The following CACNA1G variants were observed in gnomAD, a reference collection of about 807,000 sequenced individuals.
CACNA1G encodes the protein calcium voltage-gated channel subunit alpha1 G.
In CACNA1G, 67 loss-of-function variants were observed where a neutral mutation model predicts 219.4. That is an observed-to-expected ratio of 0.31 (90% confidence interval 0.25 to 0.37). CACNA1G has a LOEUF of 0.37. Ranked by LOEUF, CACNA1G falls within the 10% of genes least tolerant of loss-of-function variation. The pLI, the probability that CACNA1G is intolerant of heterozygous loss-of-function variation, is 1.00. For missense variants in CACNA1G, 2,380 were observed against 3,231.4 expected (o/e 0.74, Z 6.39); for synonymous variants, 1,296 against 1,345.3 (o/e 0.96, Z 0.80).
Position 50,619,803 on chromosome 17 carries a change from A to C in CACNA1G, c.5902A>C (p.Ser1968Arg), listed in dbSNP as rs751865150. Reference protein sequence around the residue: ...GQPSAFPSAPSLGGSDPQIPL... With the variant: ...GQPSAFPSAPRLGGSDPQIPL... ...GCCCTCTGCCTTCCCTTCTGCCCCC[A>C]GCCTGGGAGGCTCCGACCCACAGGT... The change falls in exon 34 of 38, where the codon AGC becomes CGC. Residue 1968 changes from serine to arginine, a missense_variant. Around this residue, in one of 17 missense-constraint regions of CACNA1G, gnomAD observed 672 missense variants for 670.5 expected, o/e 1.00. Coordinates refer to ENST00000359106, the MANE Select transcript of CACNA1G (RefSeq NM_018896.5). The C allele has an allele frequency of 1.2e-6, 2 of 1,606,302 alleles. No individual in the cohort carries two copies. The highest frequency in any genetic ancestry group is 1.7e-4 in the Middle Eastern group (1 of 6,058).
rs1159257672 is a variant in CACNA1G, at chr17:50,606,030, C to A, written c.4422+7C>A. On this transcript the variant is annotated splice_region_variant and intron_variant, in intron 23 of 37. Coordinates refer to ENST00000359106, the MANE Select transcript of CACNA1G (RefSeq NM_018896.5). ...CTTTGACAACCTTGGCCAGGTGAGC[C>A]CCAGGCTCAGAGGTGGGGCTGTGGT... 2 of 1,613,726 alleles carry A rather than the reference C, an allele frequency of 1.2e-6. No homozygotes were observed. The highest frequency in any genetic ancestry group is 2.7e-5 in the African/African-American group (2 of 74,924).
At position 50,578,668 on chromosome 17, in the gene CACNA1G, C is replaced by G; in HGVS notation, c.2301+104C>G. On this transcript the variant is annotated intron_variant, in intron 9 of 37. Coordinates refer to ENST00000359106, the MANE Select transcript of CACNA1G (RefSeq NM_018896.5). The surrounding 1 kb of genome is among the most constrained non-coding windows in gnomAD (Gnocchi z 4.5). ...CCTCCTCCTGAGCTCAGCTTCCTCTCCATGCTGCTAGCCCACCTGGCAGGT... is the reference window on the plus strand; with the variant it reads ...CCTCCTCCTGAGCTCAGCTTCCTCTGCATGCTGCTAGCCCACCTGGCAGGT... 8.4e-7 allele frequency: 1 copy of G among 1,195,874 alleles called. No homozygotes were observed. Among genetic ancestry groups the G allele is most frequent in the Non-Finnish European group, 1.1e-6 (1 of 872,880 alleles). 74.1% of individuals were successfully genotyped at this position (1,195,874 alleles called of 1,614,324 possible). A position where few individuals can be genotyped will look rare whatever the true frequency, so the allele number is the denominator to read the frequency against.
intron 1 of CACNA1G, among the ~76,000 whole-genome samples, chr17:50,567,482 G>A (rs1330682607): frequency 6.6e-6 from 1 of 152,070 alleles, no homozygotes; most frequent in Non-Finnish European, 1.5e-5. Flanking sequence ...CAGCTGGGAG[G>A]AAGGTCCATA....
Position 50,578,173 on chromosome 17 carries a change from ACTCTC to A in CACNA1G, c.1925-12_1925-8del, listed in dbSNP as rs753606910. ...CGAGACTCTGGAGCCTCTCACCTCT[ACTCTC>A]CTGTTCCAGGTGCCTGCCAAAGCTC... On this transcript the variant is annotated splice_polypyrimidine_tract_variant and intron_variant, in intron 8 of 37. Transcript: ENST00000359106. This position sits in a 1 kb window ranked among gnomAD's most constrained non-coding sequence, Gnocchi z 4.5. 1.3e-6 allele frequency: 2 copies of A among 1,543,916 alleles called. No individual in the cohort carries two copies. Among genetic ancestry groups the A allele is most frequent in the African/African-American group, 2.8e-5 (2 of 72,726 alleles).
Position 50,576,215 on chromosome 17 carries a change from A to G in CACNA1G, c.1813A>G (p.Lys605Glu). Residue 605 changes from lysine to glutamate, a missense_variant, in exon 8 of 38, where the codon AAG becomes GAG. Around this residue, in one of 17 missense-constraint regions of CACNA1G, gnomAD observed 434 missense variants for 417.3 expected, o/e 1.04. Coordinates refer to ENST00000359106, the MANE Select transcript of CACNA1G (RefSeq NM_018896.5). The part of the protein sequence containing the change: ...TSPPPETLKE[K>E]ALVEVAASSG... Reference sequence around the variant, plus strand: ...CCCTCCACCGGAGACGCTGAAGGAGAAGGCACTAGTAGAGGTGGCTGCCAG... The same window carrying G: ...CCCTCCACCGGAGACGCTGAAGGAGGAGGCACTAGTAGAGGTGGCTGCCAG... 1 of 1,608,372 alleles carries G rather than the reference A, an allele frequency of 6.2e-7. No individual in the cohort carries two copies. The highest frequency in any genetic ancestry group is 8.5e-7 in the Non-Finnish European group (1 of 1,178,074).
At position 50,561,436 on chromosome 17, in the gene CACNA1G, C is replaced by T; in HGVS notation, c.-24C>T. On this transcript the variant is annotated 5_prime_UTR_variant, in exon 1 of 38. Coordinates refer to ENST00000359106, the MANE Select transcript of CACNA1G (RefSeq NM_018896.5). ...GCGCCGCTTGCCCCTCTCCGGATCGCCCGGGGCCCCGGCTGGCCAGAGGAT... is the reference window on the plus strand; with the variant it reads ...GCGCCGCTTGCCCCTCTCCGGATCGTCCGGGGCCCCGGCTGGCCAGAGGAT... 4 of 1,533,378 alleles carry T rather than the reference C, an allele frequency of 2.6e-6. No individual in the cohort carries two copies. Among genetic ancestry groups the T allele is most frequent in the Non-Finnish European group, 1.7e-6 (2 of 1,146,436 alleles). 95.0% of individuals were successfully genotyped at this position (1,533,378 alleles called of 1,614,324 possible).
intron 35 of CACNA1G, 66 bp from the exon 36 acceptor site, chr17:50,623,841 G>C: frequency 6.6e-7 from 1 of 1,523,986 alleles, no homozygotes; most frequent in African/African-American, 1.4e-5. Flanking sequence ...TGTTGTCAGC[G>C]CTGCCTCAGT....
chr17:50,608,012 GAGA>G lies in CACNA1G; in HGVS notation c.4701_4703del (p.Arg1568del), dbSNP rs778310518. 7 of 1,607,454 alleles carry G rather than the reference GAGA, an allele frequency of 4.4e-6. No homozygotes were observed. Among genetic ancestry groups the G allele is most frequent in the South Asian group, 1.1e-5 (1 of 90,046 alleles). On this transcript the variant is annotated inframe_deletion, in exon 25 of 38. Coordinates refer to ENST00000359106, the MANE Select transcript of CACNA1G (RefSeq NM_018896.5). ...AGCGCCTACGAAGACTGGAGAAAAA[GAGA>G]AGGAGTAAGGAGAAGCAGATGGCTG... is the stretch of plus-strand genomic sequence containing the variant.
intron 26 of CACNA1G, among the ~76,000 whole-genome samples, chr17:50,612,866 T>A (rs2049537465): frequency 2.0e-5 from 3 of 152,238 alleles, no homozygotes; most frequent in Admixed American, 2.0e-4. Flanking sequence ...CAGCTACCAA[T>A]GCATCAGTGA....
rs745519672 is a variant in CACNA1G, at chr17:50,571,768, G to A, written c.587-110G>A. ...TCTCCCCTCCAGCTTGAGCCGGGCC[G>A]TCTCAGCCTCAGAGTCCCTGGTGGG... is the stretch of plus-strand genomic sequence containing the variant. On this transcript the variant is annotated intron_variant, in intron 4 of 37. Coordinates refer to ENST00000359106, the MANE Select transcript of CACNA1G (RefSeq NM_018896.5). This position sits in a 1 kb window ranked among gnomAD's most constrained non-coding sequence, Gnocchi z 4.3. 2.0e-5 allele frequency: 22 copies of A among 1,107,870 alleles called. No individual in the cohort carries two copies. Among genetic ancestry groups the A allele is most frequent in the Admixed American group, 7.7e-5 (4 of 51,824 alleles). The allele number at this position is 1,107,870 out of a possible 1,614,324, so 68.6% of individuals were successfully genotyped here.
intron 10 of CACNA1G, 53 bp from the exon 11 acceptor site, chr17:50,591,382 T>G: frequency 4.9e-6 from 7 of 1,437,114 alleles, no homozygotes; most frequent in African/African-American, 1.4e-5. Flanking sequence ...TCCGAGGGAG[T>G]AGGGGGAGAG....
rs369767574 is a variant in CACNA1G, at chr17:50,591,777, C to T, written c.2678C>T (p.Ser893Phe). The T allele has an allele frequency of 3.1e-6, 5 of 1,613,852 alleles. No homozygotes were observed. Among genetic ancestry groups the T allele is most frequent in the African/African-American group, 2.7e-5 (2 of 74,922 alleles). Residue 893 changes from serine (S) to phenylalanine (F), a missense_variant, in exon 12 of 38, where the codon TCT becomes TTT. By Grantham distance (155) the Ser-to-Phe change is radical. Transcript: ENST00000359106. ...GMHLFGCKFA[S>F]ERDGDTLPDR... ...CATCTCTTCGGCTGCAAGTTTGCCT[C>T]TGAGCGGGATGGGGACACCCTGCCA...
chr17:50,565,392 G>GGGGT (rs1183709901), intron 1 of CACNA1G, among the ~76,000 whole-genome samples: 5 of 142,686 alleles, frequency 3.5e-5, no homozygotes, highest in African/African-American at 1.0e-4. Flanking sequence ...TGGGGCGGGG[G>GGGGT]GTTCTGCTGG....
chr17:50,600,744 C>T lies in CACNA1G; in HGVS notation c.3709C>T (p.Arg1237Cys), dbSNP rs765212113. 9.9e-6 allele frequency: 16 copies of T among 1,613,770 alleles called. No homozygotes were observed. The highest frequency in any genetic ancestry group is 5.5e-5 in the South Asian group (5 of 91,076). Residue 1237 changes from arginine (R) to cysteine (C), a missense_variant, in exon 18 of 38, where the codon CGC (arginine) becomes TGC (cysteine). By Grantham distance (180) the Arg-to-Cys change is radical. Around this residue, in one of 17 missense-constraint regions of CACNA1G, gnomAD observed 418 missense variants for 434.3 expected, o/e 0.96. Coordinates refer to ENST00000359106, the MANE Select transcript of CACNA1G (RefSeq NM_018896.5). The surrounding 1 kb of genome is among the most constrained non-coding windows in gnomAD (Gnocchi z 4.1). Reference sequence around the variant, plus strand: ...TCTGCAGAGCAAAGGGGAACGGGTCCGCGCGTGGATCCGAGCCCGACTCCC... The same window carrying T: ...TCTGCAGAGCAAAGGGGAACGGGTCTGCGCGTGGATCCGAGCCCGACTCCC... ...EGNLSKGERV[R>C]AWIRARLPAC...
chr17:50,563,461 A>G (rs1174305481), intron 1 of CACNA1G, among the ~76,000 whole-genome samples: 1 of 152,170 alleles, frequency 6.6e-6, no homozygotes, highest in Admixed American at 6.5e-5. Context: ...CCTTCCACGA[A>G]TGGGAAAAAG....
rs1003056678 is a variant in CACNA1G, at chr17:50,617,119, G to T, written c.5022-319G>T. Among the ~76,000 whole-genome samples, 2 of 152,216 alleles carry T rather than the reference G, an allele frequency of 1.3e-5. No individual in the cohort carries two copies. Among genetic ancestry groups the T allele is most frequent in the Non-Finnish European group, 2.9e-5 (2 of 68,048 alleles). On this transcript the variant is annotated intron_variant, in intron 28 of 37. Coordinates refer to ENST00000359106, the MANE Select transcript of CACNA1G (RefSeq NM_018896.5). This position sits in a 1 kb window ranked among gnomAD's most constrained non-coding sequence, Gnocchi z 5.8. ...CCACCTCAGACTCCCAAAGTGTTGG[G>T]ACTGCAGGTGTGAGTTCCTATTTGT...
chr17:50,590,591 A>G lies in CACNA1G; in HGVS notation c.2422A>G (p.Asn808Asp), dbSNP rs2044075494. 6.2e-7 allele frequency: 1 copy of G among 1,613,758 alleles called. No homozygotes were observed. The highest frequency in any genetic ancestry group is 8.5e-7 in the Non-Finnish European group (1 of 1,179,864). ...GPFGYIKNPY[N>D]IFDGVIVVIS... is the part of the protein sequence containing the mutation. ...CTTTGGCTACATCAAGAATCCCTAC[A>G]ACATCTTCGATGGTGTCATTGTGGT... Residue 808 changes from asparagine to aspartate, a missense_variant, in exon 10 of 38, where the codon AAC (asparagine) becomes GAC (aspartate). Physicochemically the swap from Asn to Asp is conservative, Grantham distance 23. Transcript: ENST00000359106.
At chr17:50,612,241 C>T (rs1252492512) in intron 26 of CACNA1G, among the ~76,000 whole-genome samples, 4 of 152,254 alleles carry the variant, frequency 2.6e-5, no homozygotes, top group African/African-American at 4.8e-5. Context: ...CAAACACGTG[C>T]ACCGCACCTC....
At chr17:50,595,129 G>T in intron 14 of CACNA1G, 68 bp downstream of exon 14, 1 of 1,176,868 alleles carries the variant, frequency 8.5e-7, no homozygotes, top group Non-Finnish European at 1.2e-6. Context: ...CTCCGCCTCC[G>T]TGTCTCTGTG....
Sources: gnomAD v4.1 joint callset for allele counts (sites outside exome capture counted in the v4.1 genomes callset) on GRCh38, gnomAD v4.1.1 for gene constraint, gnomAD v4.1.1 regional missense constraint, Gnocchi (gnomAD v3.1) non-coding constraint, MANE v1.5 for transcripts, NCBI Gene and HGNC (gene_info 2026-07-23, HGNC 2026-07-21) for gene names.